ATP10B: variants seen among roughly 807,000 people sequenced by gnomAD.
The protein encoded by ATP10B is ATPase phospholipid transporting 10B (putative), also known as phospholipid-transporting ATPase VB.
A neutral mutation model predicts 141.2 loss-of-function variants in ATP10B; 122 were observed. The ratio of observed to expected loss-of-function variants is 0.86; its 90% confidence interval spans 0.75 to 1.00. The LOEUF is 1.00. Among genes scored for constraint, ATP10B ranks in the 50% least tolerant of loss-of-function variants. The pLI is 0.00. For synonymous variants in ATP10B, 685 were observed against 692.0 expected, an observed-to-expected ratio of 0.99 and a Z score of 0.16; for missense variants, 1,876 against 1,825.3, an observed-to-expected ratio of 1.03 and a Z score of -0.51.
At position 160,718,115 on chromosome 5, in the gene ATP10B, T is replaced by C. The variant is rs193028238; in HGVS notation, c.-330-1081A>G. Among the ~76,000 whole-genome samples the C allele has an allele frequency of 3.3e-5, 5 of 152,366 alleles. No homozygotes were observed. The East Asian group carries it at 7.7e-4, about 23-fold the overall frequency. On this transcript the variant is annotated intron_variant, in intron 2 of 25. Transcript: ENST00000327245. Reference sequence around the variant, plus strand: ...GGCTGCTTAAGCATTTTGTTATTCATGGTCTTGCCTCTGCAGGGCAGAAAG... The same window carrying C: ...GGCTGCTTAAGCATTTTGTTATTCACGGTCTTGCCTCTGCAGGGCAGAAAG...
At chr5:160,643,380 C>G (rs1289970970) in intron 9 of ATP10B, among the ~76,000 whole-genome samples, 1 of 152,140 alleles carries the variant, frequency 6.6e-6, no homozygotes, top group Non-Finnish European at 1.5e-5. Flanking sequence ...AAGGTAGATG[C>G]TCCAGAGAGA....
chr5:160,604,961 A>G (rs1757301431), intron 19 of ATP10B, among the ~76,000 whole-genome samples: 1 of 152,208 alleles, frequency 6.6e-6, no homozygotes. Flanking sequence ...GGTGGTAAAT[A>G]TTTTAGGCTT....
chr5:160,819,596 A>G (rs182941108), intron 1 of ATP10B, among the ~76,000 whole-genome samples: 87 of 152,304 alleles, frequency 5.7e-4, no homozygotes, highest in Admixed American at 2.7e-3. Context: ...TAAAAAGTGA[A>G]CCAATAAAAA....
chr5:160,599,068 C>G (rs558443588), intron 21 of ATP10B, 98 bp from the exon 22 acceptor site: 1 of 1,074,270 alleles, frequency 9.3e-7, no homozygotes, highest in Non-Finnish European at 1.4e-6. Flanking sequence ...GTGGCAGTTG[C>G]CTCATTTATA....
At chr5:160,588,062 C>G (rs1248808683) in intron 24 of ATP10B, among the ~76,000 whole-genome samples, 6 of 152,090 alleles carry the variant, frequency 3.9e-5, no homozygotes, top group Non-Finnish European at 8.8e-5. Flanking sequence ...GTTGGCCAGG[C>G]TGGTCTTGAA....
At chr5:160,702,363 T>C (rs17058155) in intron 3 of ATP10B, among the ~76,000 whole-genome samples, 8,667 of 152,206 alleles carry the variant, frequency 0.057, 447 homozygotes, top group East Asian at 0.24. Context: ...GAAATCATAA[T>C]AGAAGTTCCC....
At position 160,686,167 on chromosome 5, in the gene ATP10B, C is replaced by T. The variant is rs773547506; in HGVS notation, c.382G>A (p.Val128Ile). The T allele has an allele frequency of 9.0e-5, 145 of 1,612,874 alleles. No individual in the cohort carries two copies. Among genetic ancestry groups the T allele is most frequent in the South Asian group, 3.7e-4 (34 of 90,918 alleles). The stretch of plus-strand genomic sequence containing the variant: ...TCCATGCCATCCTTGATCATGATGA[C>T]GAACAGGACAATGGCCAATGGTAAC... ...TMLPLAIVLFVIMIKDGMEDF... is the reference protein window; with the variant it reads ...TMLPLAIVLFIIMIKDGMEDF... The change falls in exon 6 of 26, where the codon GTC becomes ATC. Residue 128 changes from valine to isoleucine, a missense_variant. Val to Ile is a conservative substitution (Grantham distance 29). Coordinates refer to ENST00000327245, the MANE Select transcript of ATP10B (RefSeq NM_025153.3).
intron 3 of ATP10B, among the ~76,000 whole-genome samples, chr5:160,689,780 C>A (rs1323053690): frequency 6.6e-6 from 1 of 152,140 alleles, no homozygotes; most frequent in Non-Finnish European, 1.5e-5. Flanking sequence ...GGCCATACTG[C>A]CCAAAGTAAT....
chr5:160,836,867 T>C (rs532694873), intron 1 of ATP10B, among the ~76,000 whole-genome samples: 1 of 152,264 alleles, frequency 6.6e-6, no homozygotes, highest in South Asian at 2.1e-4. Flanking sequence ...CAATTCCTTG[T>C]AGCTTTTCCC....
chr5:160,831,649 T>C lies in ATP10B; in HGVS notation c.-576+20292A>G, dbSNP rs116170416. 6.0e-3 allele frequency among the ~76,000 whole-genome samples: 917 copies of C among 151,978 alleles called. 12 individuals are homozygous for C. Among genetic ancestry groups the C allele is most frequent in the African/African-American group, 0.021 (873 of 41,494 alleles). ...TTCTAACAAGCATGAATCTACCCCA[T>C]CTCTAAGCAAAAAGCCCTTCTGGAA... On this transcript the variant is annotated intron_variant, in intron 1 of 25. Coordinates refer to ENST00000327245, the MANE Select transcript of ATP10B (RefSeq NM_025153.3).
At chr5:160,641,384 C>A (rs372564577) in intron 9 of ATP10B, among the ~76,000 whole-genome samples, 2 of 152,228 alleles carry the variant, frequency 1.3e-5, no homozygotes, top group African/African-American at 4.8e-5. Flanking sequence ...CACCCCAGCA[C>A]TAACCCTGGG....
chr5:160,740,124 T>C (rs1175857365), intron 2 of ATP10B, among the ~76,000 whole-genome samples: 2 of 152,252 alleles, frequency 1.3e-5, no homozygotes, highest in African/African-American at 2.4e-5. Flanking sequence ...AGTGGGAACA[T>C]ATATACAGGT....
chr5:160,677,949 A>G (rs1561742070), intron 6 of ATP10B, among the ~76,000 whole-genome samples: 1 of 152,222 alleles, frequency 6.6e-6, no homozygotes, highest in Non-Finnish European at 1.5e-5. Flanking sequence ...ATATTCTAAC[A>G]TAGAGTCTAT....
chr5:160,855,931 G>A (rs534302159), upstream of ATP10B, among the ~76,000 whole-genome samples: 2 of 151,002 alleles, frequency 1.3e-5, no homozygotes, highest in South Asian at 2.1e-4. Context: ...CTGGATTCTG[G>A]ATTCTTCTCC....
At chr5:160,833,739 C>A (rs1019785357) in intron 1 of ATP10B, among the ~76,000 whole-genome samples, 1 of 151,994 alleles carries the variant, frequency 6.6e-6, no homozygotes, top group African/African-American at 2.4e-5. Context: ...AGAAATGAAA[C>A]CTTATAAGAC....
At chr5:160,893,035 C>A in the ATP10B span, among the ~76,000 whole-genome samples, 1 of 152,216 alleles carries the variant, frequency 6.6e-6, no homozygotes, top group Non-Finnish European at 1.5e-5. Context: ...GCTTTTCCTA[C>A]AGTCTTCACA....
chr5:160,615,779 C>G (rs1014122325), intron 17 of ATP10B, 59 bp downstream of exon 17: 11 of 1,583,418 alleles, frequency 6.9e-6, no homozygotes, highest in Non-Finnish European at 8.6e-6. Flanking sequence ...GGGCCAAGAG[C>G]TCCCTTCTCA....
At chr5:160,867,860 T>A in the ATP10B span, among the ~76,000 whole-genome samples, 1 of 152,152 alleles carries the variant, frequency 6.6e-6, no homozygotes, top group Non-Finnish European at 1.5e-5. Flanking sequence ...CACTCAATTG[T>A]CTTCGTACAT....
chr5:160,649,256 C>A lies in ATP10B; in HGVS notation c.676G>T (p.Glu226Ter), dbSNP rs564400633. ...AAAAGCTCTGGTTCGAACTGTACCT[C>A]CTGTGAGAGAGAGGACTCTGTGAGT... ...RCVVKGFSQQEVQFEPELFHN... is the reference protein window; with the variant it reads ...RCVVKGFSQQ The change falls in exon 8 of 26, where the codon GAG becomes TAG. Residue 226 changes from glutamate to a stop codon, truncating the protein, a stop_gained and splice_region_variant. Coordinates refer to ENST00000327245, the MANE Select transcript of ATP10B (RefSeq NM_025153.3). LOFTEE classifies it high-confidence loss of function. 6.2e-7 allele frequency: 1 copy of A among 1,612,162 alleles called. No individual in the cohort carries two copies. Among genetic ancestry groups the A allele is most frequent in the Admixed American group, 1.7e-5 (1 of 59,966 alleles).
Sources: gnomAD v4.1 joint callset for allele counts (sites outside exome capture counted in the v4.1 genomes callset) on GRCh38, gnomAD v4.1.1 for gene constraint, MANE v1.5 for transcripts, NCBI Gene and HGNC (gene_info 2026-07-23, HGNC 2026-07-21) for gene names.